Variants in C4orf54 observed in about 807,000 individuals in gnomAD.
The protein encoded by C4orf54 is chromosome 4 open reading frame 54.
C4orf54 carries 67 observed loss-of-function variants against 80.1 expected under a neutral mutation model. The ratio of observed to expected loss-of-function variants is 0.84; its 90% CI spans 0.69 to 1.03. The LOEUF is 1.03. Among genes scored for constraint, C4orf54 ranks in the 50% least tolerant of loss-of-function variants. The pLI is 0.00. For missense variants in C4orf54, 2,434 were observed against 2,253.5 expected (o/e 1.08, Z -1.62); for synonymous variants, 1,000 against 917.0 (o/e 1.09, Z -1.64).
chr4:99,641,084 C>T lies in C4orf54; in HGVS notation c.*149G>A, dbSNP rs927720727. ...ACTTACACACTTAGCTTATAAGAAG[C>T]AAAAATTAAGAATAACACATGTGGA... On this transcript the variant is annotated 3_prime_UTR_variant, in exon 3 of 3. Transcript: ENST00000511828. 3.3e-5 allele frequency: 5 copies of T among 151,892 alleles called. No individual in the cohort carries two copies. Among genetic ancestry groups the T allele is most frequent in the African/African-American group, 1.2e-4 (5 of 41,386 alleles). 9.4% of individuals were successfully genotyped at this position (151,892 alleles called of 1,614,324 possible). A position where few individuals can be genotyped will look rare whatever the true frequency, so the allele number is the denominator to read the frequency against.
Position 99,652,772 on chromosome 4 carries a change from A to C in C4orf54, c.1877T>G (p.Leu626Arg). The C allele has an allele frequency of 2.6e-6, 4 of 1,536,126 alleles. No homozygotes were observed. The highest frequency in any genetic ancestry group is 3.5e-6 in the Non-Finnish European group (4 of 1,146,902). Residue 626 changes from leucine (L) to arginine (R), a missense_variant, in exon 2 of 3, where the codon CTG becomes CGG. Coordinates refer to ENST00000511828, the MANE Select transcript of C4orf54 (RefSeq NM_001354435.2). The part of the protein sequence containing the change: ...LDDADKEVRN[L>R]TSRAFRSLAY... ...CAGGCTCCGGAAGGCCCGGGAGGTC[A>C]GGTTACGCACCTCTTTGTCCGCATC... is the stretch of plus-strand genomic sequence containing the variant.
Position 99,651,059 on chromosome 4 carries a change from G to A in C4orf54, c.3590C>T (p.Ala1197Val). 6.5e-7 allele frequency: 1 copy of A among 1,536,112 alleles called. No homozygotes were observed. The highest frequency in any genetic ancestry group is 2.0e-5 in the Admixed American group (1 of 51,004). The change falls in exon 2 of 3, where the codon GCA becomes GTA. Residue 1197 changes from alanine to valine, a missense_variant. Physicochemically the swap from Ala to Val is moderately conservative, Grantham distance 64 (BLOSUM62 0). Transcript: ENST00000511828. The stretch of plus-strand genomic sequence containing the variant: ...GGTAGCCACAGGCAGCCTGCCAGAT[G>A]CCCTGTGAACCAAGACTGTCCCTTC... ...SPEGTVLVHR[A>V]SGRLPVATIA...
In C4orf54 at chr4:99,652,779, G is replaced by T; in HGVS notation, c.1870C>A (p.Arg624Ser). The change falls in exon 2 of 3, where the codon CGT becomes AGT. Residue 624 changes from arginine to serine, a missense_variant. Physicochemically the swap from Arg to Ser is moderately radical, Grantham distance 110 (BLOSUM62 -1). Coordinates refer to ENST00000511828, the MANE Select transcript of C4orf54 (RefSeq NM_001354435.2). ...CGGAAGGCCCGGGAGGTCAGGTTACGCACCTCTTTGTCCGCATCGTCCAGT... is the reference window on the plus strand; with the variant it reads ...CGGAAGGCCCGGGAGGTCAGGTTACTCACCTCTTTGTCCGCATCGTCCAGT... ...SELDDADKEV[R>S]NLTSRAFRSL... is the part of the protein sequence containing the mutation. 2 of 1,536,118 alleles carry T rather than the reference G, an allele frequency of 1.3e-6. No individual in the cohort carries two copies. The highest frequency in any genetic ancestry group is 2.4e-5 in the East Asian group (1 of 40,886).
At position 99,651,933 on chromosome 4, in the gene C4orf54, G is replaced by A. The variant is rs1036702508; in HGVS notation, c.2716C>T (p.Arg906Cys). The A allele has an allele frequency of 2.0e-5, 31 of 1,536,118 alleles. No homozygotes were observed. The African/African-American group carries it at 4.1e-4, about 20-fold the overall frequency. ...PVFKASTPRE[R>C]NAGPGRNFTD... ...AAATTCCGGCCAGGGCCTGCGTTGC[G>A]CTCGCGAGGAGTACTGGCTTTGAAG... The change falls in exon 2 of 3, where the codon CGC becomes TGC. Residue 906 changes from arginine (R) to cysteine (C), a missense_variant. Physicochemically the swap from Arg to Cys is radical, Grantham distance 180. Coordinates refer to ENST00000511828, the MANE Select transcript of C4orf54 (RefSeq NM_001354435.2).
At position 99,656,499 on chromosome 4, in the gene C4orf54, G is replaced by A. The variant is rs549924618; in HGVS notation, c.-32+996C>T. 9.5e-4 allele frequency among the ~76,000 whole-genome samples: 144 copies of A among 152,150 alleles called. 1 individual carries two copies. The highest frequency in any genetic ancestry group is 6.5e-4 in the Non-Finnish European group (44 of 68,020). On this transcript the variant is annotated intron_variant, in intron 1 of 2. Coordinates refer to ENST00000511828, the MANE Select transcript of C4orf54 (RefSeq NM_001354435.2). ...TTCACCATATTGGCAGGCTGGTCTC[G>A]AACTTTTGACCTCAGGTGATCCACT...
At chr4:99,647,350 G>A (rs1252053915) in intron 2 of C4orf54, among the ~76,000 whole-genome samples, 3 of 152,116 alleles carry the variant, frequency 2.0e-5, no homozygotes, top group African/African-American at 7.2e-5. Context: ...GTCCAAAATA[G>A]CCCTAGGTAA....
At position 99,652,946 on chromosome 4, in the gene C4orf54, T is replaced by G. The variant is rs1414356799; in HGVS notation, c.1703A>C (p.Lys568Thr). 3 of 1,536,066 alleles carry G rather than the reference T, an allele frequency of 2.0e-6. No individual in the cohort carries two copies. The highest frequency in any genetic ancestry group is 2.0e-5 in the Admixed American group (1 of 50,986). ...AGCCACTGCTGCAGCCGGGTTTTGC[T>G]TCAGCGAACTTGAATTGTGTTCAGC... Reference protein sequence around the residue: ...TAAEHNSSSLKQNPAAAVAQD... With the variant: ...TAAEHNSSSLTQNPAAAVAQD... The change falls in exon 2 of 3, where the codon AAG becomes ACG. Residue 568 changes from lysine (K) to threonine (T), a missense_variant. Physicochemically the swap from Lys to Thr is moderately conservative, Grantham distance 78. Transcript: ENST00000511828.
intron 2 of C4orf54, among the ~76,000 whole-genome samples, chr4:99,646,237 G>T (rs1726699060): frequency 6.6e-6 from 1 of 152,158 alleles, no homozygotes; most frequent in Non-Finnish European, 1.5e-5. Context: ...GCAGTTTTGT[G>T]TGTACAAGTC....
chr4:99,650,897 C>T lies in C4orf54; in HGVS notation c.3752G>A (p.Arg1251Gln). The T allele has an allele frequency of 1.3e-6, 2 of 1,536,198 alleles. No homozygotes were observed. Among genetic ancestry groups the T allele is most frequent in the Non-Finnish European group, 1.7e-6 (2 of 1,146,926 alleles). ...KEEGKATKPARNALEKLTAAV... is the reference protein window; with the variant it reads ...KEEGKATKPAQNALEKLTAAV... ...TGCAGTCAGCTTCTCCAGGGCATTC[C>T]GGGCTGGCTTCGTGGCTTTCCCTTC... Residue 1251 changes from arginine (R) to glutamine (Q), a missense_variant, in exon 2 of 3, where the codon CGG becomes CAG. Transcript: ENST00000511828.
intron 2 of C4orf54, among the ~76,000 whole-genome samples, chr4:99,641,583 A>G (rs1726608052): frequency 6.6e-6 from 1 of 152,294 alleles, no homozygotes; most frequent in Non-Finnish European, 1.5e-5. Flanking sequence ...AAATTTAGTT[A>G]TCAATCTTAT....
At chr4:99,649,117 A>G in intron 2 of C4orf54, 114 bp downstream of exon 2, 1 of 1,056,440 alleles carries the variant, frequency 9.5e-7, no homozygotes, top group Non-Finnish European at 1.3e-6. Context: ...ATTCTCTCAA[A>G]ACATCCATTT....
In C4orf54 at chr4:99,640,477, G is replaced by C. The variant is rs1413309161; in HGVS notation, c.*756C>G. 6.6e-6 allele frequency: 1 copy of C among 152,132 alleles called. No individual in the cohort carries two copies. Among genetic ancestry groups the C allele is most frequent in the African/African-American group, 2.4e-5 (1 of 41,456 alleles). The allele number at this position is 152,132 out of a possible 1,614,324, so 9.4% of individuals were successfully genotyped here. ...GAAAATAGATATTTTATACCTTTCT[G>C]AGACTAAGTACTTAATTTTAGATGC... On this transcript the variant is annotated 3_prime_UTR_variant, in exon 3 of 3. Coordinates refer to ENST00000511828, the MANE Select transcript of C4orf54 (RefSeq NM_001354435.2).
rs543079858 is a variant in C4orf54, at chr4:99,636,626, C to T, written c.*4607G>A. 1.3e-5 allele frequency: 2 copies of T among 152,182 alleles called. No homozygotes were observed. Among genetic ancestry groups the T allele is most frequent in the Non-Finnish European group, 2.9e-5 (2 of 68,002 alleles). The allele number at this position is 152,182 out of a possible 1,614,324, so 9.4% of individuals were successfully genotyped here. On this transcript the variant is annotated 3_prime_UTR_variant, in exon 3 of 3. Coordinates refer to ENST00000511828, the MANE Select transcript of C4orf54 (RefSeq NM_001354435.2). ...AGACCATTACACAAGATTGCACAAT[C>T]ATTTACAAATGCTGGCAATTAAAGG...
chr4:99,650,840 A>T lies in C4orf54; in HGVS notation c.3809T>A (p.Phe1270Tyr). The T allele has an allele frequency of 2.0e-6, 3 of 1,536,140 alleles. No individual in the cohort carries two copies. The highest frequency in any genetic ancestry group is 2.6e-6 in the Non-Finnish European group (3 of 1,146,918). The change falls in exon 2 of 3, where the codon TTC becomes TAC. Residue 1270 changes from phenylalanine (F) to tyrosine (Y), a missense_variant. Phe to Tyr is a conservative substitution (Grantham distance 22, BLOSUM62 3). Coordinates refer to ENST00000511828, the MANE Select transcript of C4orf54 (RefSeq NM_001354435.2). ...AVRSMEELYS[F>Y]NRNEWKRKSD... ...TTTGCGCTTCCACTCGTTCCTGTTG[A>T]AGCTGTACAGCTCTTCCATGGACCT... is the stretch of plus-strand genomic sequence containing the variant.
Position 99,651,421 on chromosome 4 carries a change from G to T in C4orf54, c.3228C>A (p.Phe1076Leu). The T allele has an allele frequency of 6.5e-7, 1 of 1,536,272 alleles. No individual in the cohort carries two copies. The highest frequency in any genetic ancestry group is 8.7e-7 in the Non-Finnish European group (1 of 1,146,920). ...EDNSRAQQKLFRGDNLEKVPH... is the reference protein window; with the variant it reads ...EDNSRAQQKLLRGDNLEKVPH... ...GCACTTTTTCTAGGTTGTCCCCGCG[G>T]AAGAGTTTCTGCTGTGCCCTGCTGT... is the stretch of plus-strand genomic sequence containing the variant. Residue 1076 changes from phenylalanine (F) to leucine (L), a missense_variant, in exon 2 of 3, where the codon TTC becomes TTA. Coordinates refer to ENST00000511828, the MANE Select transcript of C4orf54 (RefSeq NM_001354435.2).
rs1482741216 is a variant in C4orf54 at position 99,650,541 on chromosome 4, G to GAGATCGGGGTCTTTCCC, written c.4091_4107dup (p.Leu1370GlyfsTer16). 1 of 1,535,962 alleles carries GAGATCGGGGTCTTTCCC rather than the reference G, an allele frequency of 6.5e-7. No homozygotes were observed. Among genetic ancestry groups the GAGATCGGGGTCTTTCCC allele is most frequent in the Non-Finnish European group, 8.7e-7 (1 of 1,146,900 alleles). On this transcript the variant is annotated frameshift_variant, in exon 2 of 3. Transcript: ENST00000511828. LOFTEE classifies it high-confidence loss of function. ...TCCTTGTGGACTGGGGGAATATAGA[G>GAGATCGGGGTCTTTCCC]AGATCGGGGTCTTTCCCTGGCCAGG...
chr4:99,654,855 T>C (rs1182235035), intron 1 of C4orf54, among the ~76,000 whole-genome samples, 176 bp from the exon 2 acceptor site: 2 of 152,218 alleles, frequency 1.3e-5, no homozygotes, highest in Non-Finnish European at 2.9e-5. Context: ...ATGTTCTATG[T>C]AATCTATTAT....
chr4:99,646,039 A>G (rs79677019), intron 2 of C4orf54, among the ~76,000 whole-genome samples: 1 of 152,116 alleles, frequency 6.6e-6, no homozygotes, highest in Admixed American at 6.5e-5. Flanking sequence ...TTTTTTTTTA[A>G]TAAAGGAACA....
At chr4:99,643,036 T>C (rs992174234) in intron 2 of C4orf54, among the ~76,000 whole-genome samples, 1 of 152,032 alleles carries the variant, frequency 6.6e-6, no homozygotes, top group Non-Finnish European at 1.5e-5. Context: ...TTTGGGGAAA[T>C]ACAGAGCAAT....
Sources: allele counts gnomAD v4.1 joint callset (sites outside exome capture counted in the v4.1 genomes callset), GRCh38; gene constraint gnomAD v4.1.1; transcripts MANE v1.5; gene names NCBI Gene and HGNC (gene_info 2026-07-23, HGNC 2026-07-21).